RASGRP3: variants seen among roughly 807,000 people sequenced by gnomAD.
RASGRP3 encodes the protein RAS guanyl releasing protein 3.
RASGRP3 carries 54 observed loss-of-function variants against 82.7 expected under a neutral mutation model. That is an observed-to-expected ratio of 0.65 (90% CI 0.52 to 0.82). The LOEUF (loss-of-function observed/expected upper bound fraction) is 0.82. Ranked by LOEUF, RASGRP3 falls within the 40% of genes least tolerant of loss-of-function variation. The pLI, the probability that RASGRP3 is intolerant of heterozygous loss-of-function variation, is 0.00. For synonymous variants in RASGRP3, 309 were observed against 300.5 expected (o/e 1.03, Z -0.29); for missense variants, 861 against 828.9 (o/e 1.04, Z -0.48).
chr2:33,559,100 G>C, intron 17 of RASGRP3, 70 bp downstream of exon 17: 1 of 1,307,076 alleles, frequency 7.7e-7, no homozygotes, highest in Non-Finnish European at 1.0e-6. Flanking sequence ...GAGCGTTACA[G>C]AGGGTCTGGG....
intron 1 of RASGRP3, among the ~76,000 whole-genome samples, chr2:33,510,126 G>T (rs974486092): frequency 6.6e-6 from 1 of 152,144 alleles, no homozygotes. Context: ...CCATATGGAG[G>T]TCATATGAAT....
At chr2:33,497,569 TTC>T (rs1669440363) in intron 1 of RASGRP3, among the ~76,000 whole-genome samples, 1 of 152,238 alleles carries the variant, frequency 6.6e-6, no homozygotes, top group Non-Finnish European at 1.5e-5. Context: ...TTTATTTTCA[TTC>T]TACAGAAGAA....
intron 14 of RASGRP3, 43 bp from the exon 15 acceptor site, chr2:33,555,488 T>C: frequency 2.6e-6 from 4 of 1,542,868 alleles, no homozygotes; most frequent in Non-Finnish European, 3.6e-6. Flanking sequence ...TCCTTCCAGA[T>C]CTATCCTCAG....
intron 1 of RASGRP3, among the ~76,000 whole-genome samples, chr2:33,442,050 G>T (rs1665252121): frequency 6.6e-6 from 1 of 152,128 alleles, no homozygotes. Flanking sequence ...AATGTAAGAA[G>T]TCTACAAAAT....
rs755061258 is a variant in RASGRP3 at position 33,540,523 on chromosome 2, T to TTC, written c.1278+1333_1278+1334dup. On this transcript the variant is annotated intron_variant, in intron 12 of 17. Coordinates refer to ENST00000403687, the MANE Select transcript of RASGRP3 (RefSeq NM_001139488.2). ...GACTTCCTCAGTCCACATGCGGAAT[T>TTC]TCTCTCTCTCTCTCTCTCTCTGTGT... 1.8e-3 allele frequency among the ~76,000 whole-genome samples: 231 copies of TTC among 126,122 alleles called. 18 individuals are homozygous for TTC. The highest frequency in any genetic ancestry group is 2.5e-3 in the Non-Finnish European group (142 of 57,534). 82.7% of individuals were successfully genotyped at this position (126,122 alleles called of 152,430 possible).
intron 1 of RASGRP3, among the ~76,000 whole-genome samples, chr2:33,490,331 C>T (rs1399869823): frequency 6.6e-6 from 1 of 152,190 alleles, no homozygotes; most frequent in Non-Finnish European, 1.5e-5. Context: ...CACACGTTTT[C>T]TTTGTTTCTT....
chr2:33,458,008 T>C (rs1380799868), intron 2 of RASGRP3: 11 of 152,160 alleles, frequency 7.2e-5, no homozygotes, highest in Admixed American at 7.2e-4. Flanking sequence ...GAGGAGCTAT[T>C]TATAGCAGGT....
At position 33,562,812 on chromosome 2, in the gene RASGRP3, C is replaced by A; in HGVS notation, c.*75C>A. 1 of 1,551,666 alleles carries A rather than the reference C, an allele frequency of 6.4e-7. No individual in the cohort carries two copies. The stretch of plus-strand genomic sequence containing the variant: ...AAGACGAGAAACTCTGAAGAAAGCT[C>A]TGACTCTCAGGAAGTTATCTGGAAA... On this transcript the variant is annotated 3_prime_UTR_variant, in exon 18 of 18. Coordinates refer to ENST00000403687, the MANE Select transcript of RASGRP3 (RefSeq NM_001139488.2).
intron 1 of RASGRP3, among the ~76,000 whole-genome samples, chr2:33,498,634 C>T (rs1669555255): frequency 6.6e-6 from 1 of 152,166 alleles, no homozygotes; most frequent in South Asian, 2.1e-4. Context: ...CTGAGCATTC[C>T]TGATTTTCCA....
At chr2:33,484,761 A>T (rs1668224168) in intron 1 of RASGRP3, among the ~76,000 whole-genome samples, 1 of 152,190 alleles carries the variant, frequency 6.6e-6, no homozygotes, top group African/African-American at 2.4e-5. Flanking sequence ...ACTCTTGCAG[A>T]AGAGAAAAAT....
chr2:33,518,665 T>C (rs1671688293), intron 4 of RASGRP3, among the ~76,000 whole-genome samples: 1 of 152,202 alleles, frequency 6.6e-6, no homozygotes, highest in African/African-American at 2.4e-5. Flanking sequence ...GTAAAAAATA[T>C]TTTCTTTCTT....
At chr2:33,459,996 C>G (rs1400007681) in intron 2 of RASGRP3, among the ~76,000 whole-genome samples, 1 of 152,146 alleles carries the variant, frequency 6.6e-6, no homozygotes, top group Non-Finnish European at 1.5e-5. Context: ...GAATGTTTGT[C>G]AATTGTAAAT....
In RASGRP3 at chr2:33,562,809, G is replaced by C; in HGVS notation, c.*72G>C. On this transcript the variant is annotated 3_prime_UTR_variant, in exon 18 of 18. Transcript: ENST00000403687. Reference sequence around the variant, plus strand: ...GGCAAGACGAGAAACTCTGAAGAAAGCTCTGACTCTCAGGAAGTTATCTGG... The same window carrying C: ...GGCAAGACGAGAAACTCTGAAGAAACCTCTGACTCTCAGGAAGTTATCTGG... The C allele has an allele frequency of 6.4e-7, 1 of 1,556,356 alleles. No homozygotes were observed. The highest frequency in any genetic ancestry group is 8.9e-7 in the Non-Finnish European group (1 of 1,128,986).
chr2:33,524,787 A>T (rs944897918), intron 9 of RASGRP3, among the ~76,000 whole-genome samples: 9 of 152,082 alleles, frequency 5.9e-5, no homozygotes, highest in African/African-American at 2.2e-4. Context: ...CCATTAGAAT[A>T]CTGTAGTGGT....
intron 2 of RASGRP3, among the ~76,000 whole-genome samples, 167 bp from the exon 3 acceptor site, chr2:33,514,827 CGAGAACAGCTTAGCAG>C (rs1558469275): frequency 2.0e-5 from 3 of 152,066 alleles, no homozygotes; most frequent in African/African-American, 7.2e-5. Context: ...CATCCATCCC[CGAGAACAGCTTAGCAG>C]GTATTTTGGC....
rs939849907 is a variant in RASGRP3, at chr2:33,549,640, C to G, written c.1431C>G (p.Tyr477Ter). ...GLISKDEMMA[Y>*]FLRAKSQLHC... ...TTAGTAAAGATGAAATGATGGCTTACTTCCTGAGAGCTAAATCCCAACTAC... is the reference window on the plus strand; with the variant it reads ...TTAGTAAAGATGAAATGATGGCTTAGTTCCTGAGAGCTAAATCCCAACTAC... The change falls in exon 14 of 18, where the codon TAC becomes TAG. Residue 477 changes from tyrosine (Y) to a stop codon, truncating the protein, a stop_gained. Transcript: ENST00000403687. LOFTEE classifies it high-confidence loss of function. 6.2e-7 allele frequency: 1 copy of G among 1,613,508 alleles called. No homozygotes were observed. The highest frequency in any genetic ancestry group is 2.2e-5 in the East Asian group (1 of 44,876).
intron 1 of RASGRP3, among the ~76,000 whole-genome samples, chr2:33,492,723 A>C (rs896816238): frequency 9.2e-5 from 14 of 152,102 alleles, no homozygotes; most frequent in Admixed American, 9.2e-4. Flanking sequence ...TGAGAAATAA[A>C]TTTCTGTTAT....
intron 1 of RASGRP3, among the ~76,000 whole-genome samples, chr2:33,500,997 T>G (rs1285904831): frequency 1.3e-5 from 2 of 152,162 alleles, no homozygotes; most frequent in African/African-American, 4.8e-5. Context: ...ACAAGGTTCT[T>G]CAACAACTAG....
chr2:33,455,381 C>T (rs1401813009), intron 2 of RASGRP3, among the ~76,000 whole-genome samples: 1 of 152,220 alleles, frequency 6.6e-6, no homozygotes, highest in Non-Finnish European at 1.5e-5. Flanking sequence ...TAAGAAGCCA[C>T]ATCTTTTGAT....
Sources: allele counts gnomAD v4.1 joint callset (sites outside exome capture counted in the v4.1 genomes callset), GRCh38; gene constraint gnomAD v4.1.1; transcripts MANE v1.5; gene names NCBI Gene and HGNC (gene_info 2026-07-23, HGNC 2026-07-21).